CNTNAP5: variants seen among roughly 807,000 people sequenced by gnomAD.
CNTNAP5 encodes the protein contactin associated protein family member 5, also known as contactin-associated protein-like 5.
In CNTNAP5, 72 loss-of-function variants were observed where a neutral mutation model predicts 150.2. That is an observed-to-expected ratio of 0.48 (90% CI 0.40 to 0.58). The LOEUF is 0.58. CNTNAP5 is among the 20% of genes least tolerant of loss of function. CNTNAP5 has a pLI of 0.00. For missense variants in CNTNAP5, 1,636 were observed against 1,626.2 expected (o/e 1.01, Z -0.10); for synonymous variants, 672 against 619.8 (o/e 1.08, Z -1.25).
intron 3 of CNTNAP5, among the ~76,000 whole-genome samples, chr2:124,267,887 T>C (rs1465113509): frequency 6.6e-6 from 1 of 152,154 alleles, no homozygotes; most frequent in Non-Finnish European, 1.5e-5. Flanking sequence ...TCTCGAACTT[T>C]AAAATATGCA....
intron 3 of CNTNAP5, among the ~76,000 whole-genome samples, chr2:124,245,528 G>C (rs181941146): frequency 1.7e-4 from 26 of 151,776 alleles, no homozygotes; most frequent in Non-Finnish European, 5.9e-5. Context: ...AAAACATCAA[G>C]TACTGGCTTA....
At chr2:124,212,044 C>A (rs1219991539) in intron 1 of CNTNAP5, among the ~76,000 whole-genome samples, 1 of 152,192 alleles carries the variant, frequency 6.6e-6, no homozygotes, top group Non-Finnish European at 1.5e-5. Flanking sequence ...ACTCTCAATT[C>A]TGATAACTAC....
At chr2:124,533,470 T>G (rs2104897431) in intron 10 of CNTNAP5, among the ~76,000 whole-genome samples, 1 of 152,328 alleles carries the variant, frequency 6.6e-6, no homozygotes, top group South Asian at 2.1e-4. Context: ...GCTGTAAAGC[T>G]TCTGCTCCTG....
rs766057926 is a variant in CNTNAP5 at position 124,763,993 on chromosome 2, C to G, written c.2379C>G (p.Ala793=). Residue 793 remains alanine, a synonymous_variant, in exon 16 of 24, where the codon GCC becomes GCG. Transcript: ENST00000682447. Reference sequence around the variant, plus strand: ...CATTTGCAGGACGCTTCTGGAACGCCGTCTCATTTTATACAGAAGCCTCTT... The same window carrying G: ...CATTTGCAGGACGCTTCTGGAACGCGGTCTCATTTTATACAGAAGCCTCTT... ...RCYGDRRFWN[A]VSFYTEASYL... 2.5e-6 allele frequency: 4 copies of G among 1,610,992 alleles called. No individual in the cohort carries two copies. Among genetic ancestry groups the G allele is most frequent in the Non-Finnish European group, 8.5e-7 (1 of 1,178,746 alleles).
chr2:124,067,412 AC>A (rs1471742139), intron 1 of CNTNAP5, among the ~76,000 whole-genome samples: 1 of 151,986 alleles, frequency 6.6e-6, no homozygotes, highest in Non-Finnish European at 1.5e-5. Context: ...TGGCTGCATC[AC>A]CCCAATCCCT....
intron 3 of CNTNAP5, among the ~76,000 whole-genome samples, chr2:124,329,956 C>T (rs1689308146): frequency 6.6e-6 from 1 of 152,104 alleles, no homozygotes; most frequent in African/African-American, 2.4e-5. Context: ...GGAAATGAAC[C>T]AGGCAGTGGC....
chr2:124,449,415 G>A (rs981779590), intron 6 of CNTNAP5, among the ~76,000 whole-genome samples: 1 of 152,082 alleles, frequency 6.6e-6, no homozygotes, highest in Admixed American at 6.5e-5. Flanking sequence ...TCATCTGGAA[G>A]TCTCGTCATT....
intron 1 of CNTNAP5, among the ~76,000 whole-genome samples, chr2:124,108,268 G>A (rs544929329): frequency 8.5e-4 from 129 of 152,182 alleles, no homozygotes; most frequent in African/African-American, 2.8e-3. Flanking sequence ...AACATTATCT[G>A]TTGACTTCTG....
chr2:124,712,014 G>C (rs1238899083), intron 13 of CNTNAP5, among the ~76,000 whole-genome samples: 1 of 152,154 alleles, frequency 6.6e-6, no homozygotes, highest in Non-Finnish European at 1.5e-5. Context: ...GCAGAAGGAA[G>C]CCTTCTTTAC....
intron 12 of CNTNAP5, among the ~76,000 whole-genome samples, chr2:124,630,356 A>G (rs1026938835): frequency 2.6e-5 from 4 of 152,224 alleles, no homozygotes; most frequent in Non-Finnish European, 4.4e-5. Context: ...CCAGCAGCAC[A>G]TCAAATAGCT....
chr2:124,513,456 TTGTTGAC>T (rs1345066733), intron 8 of CNTNAP5, among the ~76,000 whole-genome samples: 3 of 152,190 alleles, frequency 2.0e-5, no homozygotes, highest in Non-Finnish European at 2.9e-5. Flanking sequence ...GTCTATTTCA[TTGTTGAC>T]CAATGCCCTT....
chr2:124,276,318 T>G (rs1033119954), intron 3 of CNTNAP5, among the ~76,000 whole-genome samples: 1 of 152,204 alleles, frequency 6.6e-6, no homozygotes, highest in Admixed American at 6.6e-5. Context: ...TATGAAATGA[T>G]GTAAAAACAA....
At chr2:124,233,291 T>A (rs960121058) in intron 2 of CNTNAP5, among the ~76,000 whole-genome samples, 1 of 152,056 alleles carries the variant, frequency 6.6e-6, no homozygotes, top group African/African-American at 2.4e-5. Context: ...AGCCCTGGAA[T>A]AGCAGCATAA....
At chr2:124,240,424 G>T (rs1686856139) in intron 2 of CNTNAP5, among the ~76,000 whole-genome samples, 1 of 152,086 alleles carries the variant, frequency 6.6e-6, no homozygotes, top group African/African-American at 2.4e-5. Context: ...TTATTGGAGA[G>T]AACTTGACCA....
chr2:124,402,104 G>T (rs1348521724), intron 3 of CNTNAP5, among the ~76,000 whole-genome samples: 1 of 152,050 alleles, frequency 6.6e-6, no homozygotes, highest in Non-Finnish European at 1.5e-5. Context: ...ACTTTCACAG[G>T]GGTAAAAGAA....
chr2:124,504,929 A>C (rs1694368858), intron 8 of CNTNAP5, among the ~76,000 whole-genome samples: 1 of 151,984 alleles, frequency 6.6e-6, no homozygotes, highest in Non-Finnish European at 1.5e-5. Flanking sequence ...GATGGTCTGC[A>C]TCTCTTGACC....
intron 13 of CNTNAP5, among the ~76,000 whole-genome samples, chr2:124,696,360 A>G (rs1015434653): frequency 6.6e-6 from 1 of 152,206 alleles, no homozygotes; most frequent in African/African-American, 2.4e-5. Flanking sequence ...CAAATTAAAT[A>G]AAAAGGCTTG....
chr2:124,565,342 T>C (rs1695993936), intron 11 of CNTNAP5, among the ~76,000 whole-genome samples: 5 of 152,196 alleles, frequency 3.3e-5, no homozygotes, highest in Admixed American at 3.3e-4. Context: ...AAGAGTATCA[T>C]TGGATTGTTC....
intron 3 of CNTNAP5, among the ~76,000 whole-genome samples, chr2:124,390,261 T>G (rs1691076956): frequency 6.6e-6 from 1 of 152,224 alleles, no homozygotes; most frequent in Non-Finnish European, 1.5e-5. Flanking sequence ...TTTTGATTTC[T>G]CATCTGCATC....
Sources: gnomAD v4.1 joint callset for allele counts (sites outside exome capture counted in the v4.1 genomes callset) on GRCh38, gnomAD v4.1.1 for gene constraint, MANE v1.5 for transcripts, NCBI Gene and HGNC (gene_info 2026-07-23, HGNC 2026-07-21) for gene names.